The following IPO11 variants were observed in gnomAD, a reference collection of about 807,000 sequenced individuals.
The protein encoded by IPO11 is importin-11.
In IPO11, 66 loss-of-function variants were observed where a neutral mutation model predicts 143.2. The observed-to-expected ratio is 0.46, with a 90% CI of 0.38 to 0.57. The LOEUF (loss-of-function observed/expected upper bound fraction) is 0.57. IPO11 is among the 20% of genes least tolerant of loss of function. The probability of loss-of-function intolerance (pLI) is 0.00; values close to 1 mark genes in which losing one functional copy is unlikely to be tolerated. For missense variants in IPO11, 1,026 were observed against 1,141.0 expected (o/e 0.90, Z 1.45); for synonymous variants, 385 against 377.8 (o/e 1.02, Z -0.22).
chr5:62,483,414 A>G (rs1580232004), intron 10 of IPO11, 121 bp downstream of exon 10: 1 of 644,724 alleles, frequency 1.6e-6, no homozygotes, highest in East Asian at 2.9e-5. Flanking sequence ...TTGCTGGGAC[A>G]TGAAAAAGAT....
intron 16 of IPO11, among the ~76,000 whole-genome samples, chr5:62,496,362 GA>G (rs2112246684): frequency 6.6e-6 from 1 of 151,814 alleles, no homozygotes; most frequent in South Asian, 2.1e-4. Flanking sequence ...AATATTCATA[GA>G]ATATACTTTG....
chr5:62,474,293 T>A, intron 7 of IPO11, 123 bp from the exon 8 acceptor site: 1 of 587,104 alleles, frequency 1.7e-6, no homozygotes, highest in South Asian at 2.8e-5. Context: ...TAATTTTAAC[T>A]TATTTTTCTT....
At chr5:62,562,933 C>CA (rs1743820471) in intron 27 of IPO11, among the ~76,000 whole-genome samples, 1 of 152,190 alleles carries the variant, frequency 6.6e-6, no homozygotes, top group Non-Finnish European at 1.5e-5. Flanking sequence ...TATCCCTTCT[C>CA]ACAGAGCAAA....
intron 1 of IPO11, among the ~76,000 whole-genome samples, chr5:62,432,297 G>T (rs767196739): frequency 1.3e-5 from 2 of 152,166 alleles, no homozygotes; most frequent in East Asian, 1.9e-4. Flanking sequence ...AGCTTCTGCC[G>T]CAGGAGTGGT....
Position 62,550,441 on chromosome 5 carries a change from C to A in IPO11, c.2325C>A (p.Phe775Leu), listed in dbSNP as rs758501230. 6.2e-7 allele frequency: 1 copy of A among 1,611,492 alleles called. No homozygotes were observed. The highest frequency in any genetic ancestry group is 8.5e-7 in the Non-Finnish European group (1 of 1,178,220). ...TTCAACCGATTTTACCCTATGTTTT[C>A]AAGGGTATTATAGAAGGGGAGGTAA... ...QMFQPILPYV[F>L]KGIIEGERYP... Residue 775 changes from phenylalanine to leucine, a missense_variant, in exon 25 of 30, where the codon TTC becomes TTA. Physicochemically the swap from Phe to Leu is conservative, Grantham distance 22. Transcript: ENST00000325324.
At chr5:62,473,129 G>GTA (rs2112204179) in intron 7 of IPO11, among the ~76,000 whole-genome samples, 2 of 152,240 alleles carry the variant, frequency 1.3e-5, no homozygotes, top group South Asian at 4.1e-4. Context: ...GACAGAAATA[G>GTA]TATGAAAATG....
chr5:62,539,448 T>C (rs377143429), intron 24 of IPO11, among the ~76,000 whole-genome samples: 6 of 152,368 alleles, frequency 3.9e-5, no homozygotes, highest in African/African-American at 1.4e-4. Flanking sequence ...CATCTTACCT[T>C]GATTACATCT....
chr5:62,452,827 A>G (rs1744989128), intron 5 of IPO11, among the ~76,000 whole-genome samples: 1 of 149,754 alleles, frequency 6.7e-6, no homozygotes, highest in Non-Finnish European at 1.5e-5. Flanking sequence ...ATCATAGCTC[A>G]CTACAGCCTT....
intron 27 of IPO11, among the ~76,000 whole-genome samples, chr5:62,569,154 G>A (rs1346534845): frequency 3.3e-5 from 5 of 152,082 alleles, no homozygotes; most frequent in Non-Finnish European, 2.9e-5. Flanking sequence ...GGGGAGGTGG[G>A]TGCTGGTAGT....
At chr5:62,444,405 A>G (rs1453210178) in intron 3 of IPO11, among the ~76,000 whole-genome samples, 1 of 151,756 alleles carries the variant, frequency 6.6e-6, no homozygotes, top group Non-Finnish European at 1.5e-5. Flanking sequence ...GTAATTTTTT[A>G]CATAGGATTA....
rs941173837 is a variant in IPO11, at chr5:62,552,220, T to C, written c.2460+884T>C. On this transcript the variant is annotated intron_variant, in intron 26 of 29. Coordinates refer to ENST00000325324, the MANE Select transcript of IPO11 (RefSeq NM_016338.5). Reference sequence around the variant, plus strand: ...TAAGATTTATAAGATGTTGAAGATATGGTATACTTGACGAATATATCTACA... The same window carrying C: ...TAAGATTTATAAGATGTTGAAGATACGGTATACTTGACGAATATATCTACA... Among the ~76,000 whole-genome samples, 6 of 152,180 alleles carry C rather than the reference T, an allele frequency of 3.9e-5. No homozygotes were observed. In the East Asian group the frequency reaches 9.6e-4, roughly 24 times the overall value.
rs537226032 is a variant in IPO11, at chr5:62,615,074, T to C, written c.2764-12080T>C. 2.6e-5 allele frequency among the ~76,000 whole-genome samples: 4 copies of C among 152,274 alleles called. No individual in the cohort carries two copies. In the South Asian group the frequency reaches 8.3e-4, roughly 32 times the overall value. ...CTGTTCTGCTCTTCTTTTCTCCTTA[T>C]GGAGCTGTGGATTGCGGTCTATATA... On this transcript the variant is annotated intron_variant, in intron 29 of 29. Coordinates refer to ENST00000325324, the MANE Select transcript of IPO11 (RefSeq NM_016338.5).
intron 16 of IPO11, 145 bp downstream of exon 16, chr5:62,494,269 G>C: frequency 1.7e-6 from 1 of 582,164 alleles, no homozygotes; most frequent in Non-Finnish European, 2.6e-6. Context: ...AGTTTGATTT[G>C]AGGGTAGAAA....
chr5:62,424,296 C>T (rs570670969), intron 1 of IPO11, among the ~76,000 whole-genome samples: 3 of 152,156 alleles, frequency 2.0e-5, no homozygotes, highest in East Asian at 1.9e-4. Flanking sequence ...CCCGCCACCA[C>T]GCCCGGCTAA....
At chr5:62,581,935 A>G (rs1744582324) in intron 27 of IPO11, among the ~76,000 whole-genome samples, 1 of 152,166 alleles carries the variant, frequency 6.6e-6, no homozygotes, top group Non-Finnish European at 1.5e-5. Flanking sequence ...AAATTAGCCC[A>G]GTGAAGAGAG....
chr5:62,565,441 GC>G (rs1743901011), intron 27 of IPO11, among the ~76,000 whole-genome samples: 1 of 152,080 alleles, frequency 6.6e-6, no homozygotes, highest in Non-Finnish European at 1.5e-5. Flanking sequence ...AGCCAGTATT[GC>G]GCCACTGCAC....
chr5:62,464,643 AT>A (rs1324675122), intron 5 of IPO11, among the ~76,000 whole-genome samples: 4 of 151,070 alleles, frequency 2.6e-5, no homozygotes, highest in Admixed American at 6.6e-5. Context: ...TGCCTGGTTA[AT>A]TTTTTTTGTA....
At chr5:62,538,536 C>T (rs1490665480) in intron 24 of IPO11, among the ~76,000 whole-genome samples, 9 of 152,182 alleles carry the variant, frequency 5.9e-5, no homozygotes, top group Non-Finnish European at 1.3e-4. Flanking sequence ...CTTCGCTCAG[C>T]ACTTCTTCCT....
rs56867080 is a variant in IPO11 at position 62,429,900 on chromosome 5, G to C, written c.-6-7374G>C. ...AGCCTCCCGAAGTACTGGGATTACA[G>C]GAATGAGCCACTGCGCCTGGCCTGA... is the stretch of plus-strand genomic sequence containing the variant. On this transcript the variant is annotated intron_variant, in intron 1 of 29. Transcript: ENST00000325324. Among the ~76,000 whole-genome samples the C allele has an allele frequency of 8.4e-3, 1,275 of 152,182 alleles. 23 individuals carry two copies. Among genetic ancestry groups the C allele is most frequent in the African/African-American group, 0.03 (1,236 of 41,534 alleles).
Sources: gnomAD v4.1 joint callset for allele counts (sites outside exome capture counted in the v4.1 genomes callset) on GRCh38, gnomAD v4.1.1 for gene constraint, MANE v1.5 for transcripts, NCBI Gene and HGNC (gene_info 2026-07-23, HGNC 2026-07-21) for gene names.